KLHL14: variants seen among roughly 807,000 people sequenced by gnomAD.
The protein encoded by KLHL14 is kelch-like protein 14.
In KLHL14, 22 loss-of-function variants were observed where a neutral mutation model predicts 64.3. The observed-to-expected ratio is 0.34, with a 90% CI of 0.24 to 0.49. The LOEUF is 0.49. KLHL14 is among the 20% of genes least tolerant of loss of function. The pLI is 0.99. For missense variants in KLHL14, 661 were observed against 789.0 expected, an observed-to-expected ratio of 0.84 and a Z score of 1.94; for synonymous variants, 322 against 333.4, an observed-to-expected ratio of 0.97 and a Z score of 0.37.
At chr18:32,679,886 ATTGT>A (rs999377139) in intron 7 of KLHL14, among the ~76,000 whole-genome samples, 6 of 152,118 alleles carry the variant, frequency 3.9e-5, no homozygotes, top group African/African-American at 1.2e-4. Context: ...GTTACGACAA[ATTGT>A]TTGTGTTCTT....
chr18:32,686,553 T>C (rs2049880117), intron 5 of KLHL14, among the ~76,000 whole-genome samples: 1 of 152,094 alleles, frequency 6.6e-6, no homozygotes, highest in South Asian at 2.1e-4. Context: ...AAAAATGAGA[T>C]GACACGTTGC....
At chr18:32,758,175 T>C (rs1308396614) in intron 2 of KLHL14, among the ~76,000 whole-genome samples, 1 of 152,054 alleles carries the variant, frequency 6.6e-6, no homozygotes, top group African/African-American at 2.4e-5. Context: ...CAGGCTGGAG[T>C]GCAGTGGACC....
Position 32,697,586 on chromosome 18 carries a change from A to T in KLHL14, c.1070-2034T>A, listed in dbSNP as rs568713477. Among the ~76,000 whole-genome samples, 31 of 152,066 alleles carry T rather than the reference A, an allele frequency of 2.0e-4. No homozygotes were observed. In the South Asian group the frequency reaches 2.7e-3, roughly 13 times the overall value. On this transcript the variant is annotated intron_variant, in intron 3 of 8. Coordinates refer to ENST00000359358, the MANE Select transcript of KLHL14 (RefSeq NM_020805.3). Reference sequence around the variant, plus strand: ...ATGAAAAACGGTATTATCTTTTTTTAAAAAAAACAGAAGTCCAGCTTCATA... The same window carrying T: ...ATGAAAAACGGTATTATCTTTTTTTTAAAAAAACAGAAGTCCAGCTTCATA...
chr18:32,700,502 C>G (rs888157229), intron 3 of KLHL14, among the ~76,000 whole-genome samples: 27 of 152,182 alleles, frequency 1.8e-4, no homozygotes, highest in Non-Finnish European at 1.2e-4. Context: ...TTTCCAGAGA[C>G]ATTATATATA....
chr18:32,761,908 A>C lies in KLHL14; in HGVS notation c.947+7737T>G, dbSNP rs2050316299. The stretch of plus-strand genomic sequence containing the variant: ...CACAGTCATGGGCCTGCATTTAGAA[A>C]GCTGTCAGAGGTCCTGAAGTTCTCC... On this transcript the variant is annotated intron_variant, in intron 2 of 8. Coordinates refer to ENST00000359358, the MANE Select transcript of KLHL14 (RefSeq NM_020805.3). Among the ~76,000 whole-genome samples, 4 of 152,322 alleles carry C rather than the reference A, an allele frequency of 2.6e-5. No homozygotes were observed. In the South Asian group the frequency reaches 8.3e-4, roughly 32 times the overall value.
At chr18:32,741,731 T>C (rs895813816) in intron 3 of KLHL14, among the ~76,000 whole-genome samples, 197 bp downstream of exon 3, 5 of 152,192 alleles carry the variant, frequency 3.3e-5, no homozygotes, top group Admixed American at 1.3e-4. Context: ...CTAGGCCTAC[T>C]CGACTACCAA....
chr18:32,743,177 G>A (rs564648718), intron 2 of KLHL14: 2 of 152,326 alleles, frequency 1.3e-5, no homozygotes, highest in East Asian at 3.9e-4. Context: ...GGTGATGGTG[G>A]AAGAAACGGA....
At chr18:32,726,960 C>T (rs964511267) in intron 3 of KLHL14, among the ~76,000 whole-genome samples, 1 of 152,120 alleles carries the variant, frequency 6.6e-6, no homozygotes, top group Admixed American at 6.6e-5. Context: ...AATGGACTTC[C>T]GTTATCCACA....
intron 3 of KLHL14, among the ~76,000 whole-genome samples, chr18:32,697,758 T>C (rs2049944099): frequency 6.6e-6 from 1 of 152,168 alleles, no homozygotes; most frequent in Non-Finnish European, 1.5e-5. Flanking sequence ...CCCCTATTGT[T>C]ATGCTTTATG....
chr18:32,720,685 T>TA (rs60867960), intron 3 of KLHL14, among the ~76,000 whole-genome samples: 38,086 of 151,222 alleles, frequency 0.25, 4,938 homozygotes, highest in Middle Eastern at 0.32. Flanking sequence ...GTAACTAGAA[T>TA]AAAAAAGGCA....
intron 2 of KLHL14, 86 bp from the exon 3 acceptor site, chr18:32,742,135 G>C: frequency 1.4e-6 from 2 of 1,411,294 alleles, no homozygotes; most frequent in Middle Eastern, 3.6e-4. Flanking sequence ...ATCAAAGAAT[G>C]TTCCTTGCTT....
At chr18:32,761,188 G>A (rs992408355) in intron 2 of KLHL14, among the ~76,000 whole-genome samples, 5 of 152,124 alleles carry the variant, frequency 3.3e-5, no homozygotes, top group Admixed American at 1.3e-4. Flanking sequence ...CTCGGCTAAC[G>A]TGGAGCCAGG....
Position 32,680,483 on chromosome 18 carries a change from C to A in KLHL14, c.1355G>T (p.Arg452Leu), listed in dbSNP as rs762574916. 6.8e-6 allele frequency: 11 copies of A among 1,614,000 alleles called. No individual in the cohort carries two copies. The highest frequency in any genetic ancestry group is 1.3e-5 in the African/African-American group (1 of 75,048). ...AGGCTGTGGCAAAGAGGACACATAG[C>A]GCCATTCATTCGTTTCTAGGTTATA... ...ECYNLETNEW[R>L]YVSSLPQPLA... Residue 452 changes from arginine (R) to leucine (L), a missense_variant, in exon 6 of 9, where the codon CGC becomes CTC. Arg to Leu is a moderately radical substitution (Grantham distance 102). Around this residue, in one of 2 missense-constraint regions of KLHL14, gnomAD observed 330 missense variants for 450.0 expected, o/e 0.73. Transcript: ENST00000359358. This position sits in a 1 kb window ranked among gnomAD's most constrained non-coding sequence, Gnocchi z 4.8.
chr18:32,686,177 ATTTT>A (rs148393455), intron 5 of KLHL14, among the ~76,000 whole-genome samples: 2,615 of 107,704 alleles, frequency 0.024, 25 homozygotes, highest in Admixed American at 0.054. Flanking sequence ...GTGCCCGGCT[ATTTT>A]TTTTTTTTTT....
At chr18:32,743,097 TA>T (rs1412169229) in intron 2 of KLHL14, 6 of 152,218 alleles carry the variant, frequency 3.9e-5, no homozygotes, top group African/African-American at 1.4e-4. Context: ...CCCAGACCCC[TA>T]CAAAGGGCCT....
chr18:32,740,865 C>A (rs917744844), intron 3 of KLHL14: 3 of 152,132 alleles, frequency 2.0e-5, no homozygotes, highest in African/African-American at 7.2e-5. Context: ...GGGATGCCAG[C>A]TCCAAAATGT....
intron 5 of KLHL14, 50 bp downstream of exon 5, chr18:32,687,105 C>T (rs759694575): frequency 7.9e-5 from 115 of 1,459,954 alleles, no homozygotes; most frequent in Non-Finnish European, 2.3e-5. Flanking sequence ...GCACCCATGC[C>T]TCCTGTAAAG....
chr18:32,736,413 T>C (rs2050166378), intron 3 of KLHL14, among the ~76,000 whole-genome samples: 2 of 152,146 alleles, frequency 1.3e-5, no homozygotes, highest in South Asian at 4.1e-4. Context: ...TCTCCTTCTT[T>C]GTCCAAAGCC....
Position 32,770,419 on chromosome 18 carries a change from A to T in KLHL14, c.173T>A (p.Phe58Tyr). The T allele has an allele frequency of 6.2e-7, 1 of 1,608,356 alleles. No homozygotes were observed. Among genetic ancestry groups the T allele is most frequent in the Non-Finnish European group, 8.5e-7 (1 of 1,177,242 alleles). The change falls in exon 2 of 9, where the codon TTC (phenylalanine) becomes TAC (tyrosine). Residue 58 changes from phenylalanine to tyrosine, a missense_variant. Around this residue, in one of 2 missense-constraint regions of KLHL14, gnomAD observed 331 missense variants for 339.0 expected, o/e 0.98. Transcript: ENST00000359358. The surrounding 1 kb of genome is among the most constrained non-coding windows in gnomAD (Gnocchi z 6.7). ...KAVLASCSQY[F>Y]RSLFSSHPPL... is the part of the protein sequence containing the mutation. Reference sequence around the variant, plus strand: ...GGGGTGGCTGGAGAAGAGCGATCGGAAGTACTGCGAGCAGGAGGCCAGCAC... The same window carrying T: ...GGGGTGGCTGGAGAAGAGCGATCGGTAGTACTGCGAGCAGGAGGCCAGCAC...
Sources: allele counts gnomAD v4.1 joint callset (sites outside exome capture counted in the v4.1 genomes callset), GRCh38; gene constraint gnomAD v4.1.1; regional missense constraint gnomAD v4.1.1; non-coding constraint Gnocchi (gnomAD v3.1); transcripts MANE v1.5; gene names NCBI Gene and HGNC (gene_info 2026-07-23, HGNC 2026-07-21).